Variants in POFUT3 observed in about 807,000 individuals in gnomAD.
POFUT3 encodes the protein protein O-fucosyltransferase 3.
the POFUT3 span, among the ~76,000 whole-genome samples, chr8:33,332,862 C>T: frequency 1.3e-5 from 2 of 152,168 alleles, no homozygotes; most frequent in African/African-American, 2.4e-5. Context: ...TCTTTTGCCC[C>T]AGCCCTTCAT....
the POFUT3 span, among the ~76,000 whole-genome samples, chr8:33,336,947 T>C: frequency 1.3e-5 from 2 of 152,118 alleles, no homozygotes; most frequent in Admixed American, 6.6e-5. Flanking sequence ...TGTTTGACAA[T>C]AGGGTAACCA....
At chr8:33,309,512 T>G in the POFUT3 span, among the ~76,000 whole-genome samples, 2 of 152,026 alleles carry the variant, frequency 1.3e-5, no homozygotes, top group East Asian at 3.9e-4. Flanking sequence ...GGATCAGGAT[T>G]TAAGAACCCT....
the POFUT3 span, among the ~76,000 whole-genome samples, chr8:33,362,829 GTA>G: frequency 5.3e-5 from 8 of 151,954 alleles, no homozygotes; most frequent in Non-Finnish European, 1.2e-4. Flanking sequence ...ATGGGAGAGT[GTA>G]ACACCCCACT....
the POFUT3 span, among the ~76,000 whole-genome samples, chr8:33,398,084 T>C: frequency 6.6e-6 from 1 of 152,240 alleles, no homozygotes; most frequent in East Asian, 1.9e-4. Flanking sequence ...AAAATGCAAA[T>C]GGCCATGGTG....
the POFUT3 span, among the ~76,000 whole-genome samples, chr8:33,365,627 T>C: frequency 6.6e-6 from 1 of 152,186 alleles, no homozygotes; most frequent in African/African-American, 2.4e-5. Flanking sequence ...AAAGAAGACA[T>C]CTATGCAGCC....
At chr8:33,343,600 C>G in the POFUT3 span, among the ~76,000 whole-genome samples, 1 of 152,290 alleles carries the variant, frequency 6.6e-6, no homozygotes, top group African/African-American at 2.4e-5. Context: ...GATCCAGACC[C>G]CAAGTTTACT....
At chr8:33,309,197 TATAC>T in the POFUT3 span, among the ~76,000 whole-genome samples, 423 of 103,752 alleles carry the variant, frequency 4.1e-3, 21 homozygotes, top group African/African-American at 0.014. Flanking sequence ...TATATATATA[TATAC>T]ACACACATAT....
chr8:33,470,877 G>A, the POFUT3 span, among the ~76,000 whole-genome samples: 1 of 151,988 alleles, frequency 6.6e-6, no homozygotes, highest in Non-Finnish European at 1.5e-5. Flanking sequence ...ATATCCAGGA[G>A]TAAAAACTCT....
the POFUT3 span, among the ~76,000 whole-genome samples, chr8:33,403,053 C>T: frequency 2.0e-5 from 3 of 150,656 alleles, no homozygotes; most frequent in African/African-American, 4.9e-5. Flanking sequence ...AAAGTGAAAC[C>T]GTGTCTCAAA....
chr8:33,318,667 T>C, the POFUT3 span, among the ~76,000 whole-genome samples: 1 of 87,042 alleles, frequency 1.1e-5, no homozygotes, highest in Non-Finnish European at 2.0e-5. Context: ...ATATAATATA[T>C]AAATATATTG....
chr8:33,434,483 A>G, the POFUT3 span, among the ~76,000 whole-genome samples: 92 of 152,348 alleles, frequency 6.0e-4, no homozygotes, highest in South Asian at 1.2e-3. Context: ...TGGGAAGGCC[A>G]CTACTGATTG....
the POFUT3 span, among the ~76,000 whole-genome samples, chr8:33,408,073 C>T: frequency 6.6e-6 from 1 of 151,536 alleles, no homozygotes; most frequent in African/African-American, 2.4e-5. Flanking sequence ...CCTCTAATCC[C>T]AGTACTTTGG....
At chr8:33,356,974 A>G in the POFUT3 span, among the ~76,000 whole-genome samples, 1 of 152,108 alleles carries the variant, frequency 6.6e-6, no homozygotes, top group African/African-American at 2.4e-5. Context: ...CAAAGATCAG[A>G]TAGTTGTAGA....
At chr8:33,309,661 A>G in the POFUT3 span, among the ~76,000 whole-genome samples, 14 of 152,240 alleles carry the variant, frequency 9.2e-5, no homozygotes, top group Non-Finnish European at 2.1e-4. Flanking sequence ...GTTTCTAGGT[A>G]TCATCATCAA....
chr8:33,389,353 A>G, the POFUT3 span: 1 of 1,614,206 alleles, frequency 6.2e-7, no homozygotes, highest in Non-Finnish European at 8.5e-7. Flanking sequence ...GGATAAACTT[A>G]TACTGTGCAA....
At chr8:33,452,252 T>C in the POFUT3 span, 1 of 152,212 alleles carries the variant, frequency 6.6e-6, no homozygotes, top group African/African-American at 2.4e-5. Context: ...TGTAGAGTAG[T>C]GTTATATGTA....
At chr8:33,449,588 C>A in the POFUT3 span, among the ~76,000 whole-genome samples, 2 of 152,046 alleles carry the variant, frequency 1.3e-5, no homozygotes, top group Non-Finnish European at 2.9e-5. Context: ...CCGCGTCTGG[C>A]CTGAGTTGAC....
At chr8:33,392,506 GA>G in the POFUT3 span, among the ~76,000 whole-genome samples, 1 of 152,014 alleles carries the variant, frequency 6.6e-6, no homozygotes, top group African/African-American at 2.4e-5. Flanking sequence ...ATGAACTGGG[GA>G]CGCAGAGGTT....
chr8:33,330,952 C>A, the POFUT3 span, among the ~76,000 whole-genome samples: 1 of 152,070 alleles, frequency 6.6e-6, no homozygotes, highest in Admixed American at 6.6e-5. Context: ...CCTTTTTAAT[C>A]CCAGCGCCCA....
Sources: gnomAD v4.1 joint callset for allele counts (sites outside exome capture counted in the v4.1 genomes callset) on GRCh38, gnomAD v4.1.1 for gene constraint, MANE v1.5 for transcripts, NCBI Gene and HGNC (gene_info 2026-07-23, HGNC 2026-07-21) for gene names.